TBC1D4: variants seen among roughly 807,000 people sequenced by gnomAD.
The protein encoded by TBC1D4 is TBC1 domain family member 4, also known as TBC (Tre-2, BUB2, CDC16) domain-containing protein.
TBC1D4 carries 121 observed loss-of-function variants against 142.5 expected under a neutral mutation model. The ratio of observed to expected loss-of-function variants is 0.85; its 90% confidence interval spans 0.73 to 0.99. The LOEUF is 0.99. Ranked by LOEUF, TBC1D4 falls within the 50% of genes least tolerant of loss-of-function variation. The pLI, the probability that TBC1D4 is intolerant of heterozygous loss-of-function variation, is 0.00. For synonymous variants in TBC1D4, 630 were observed against 628.2 expected (o/e 1.00, Z -0.04); for missense variants, 1,475 against 1,606.6 (o/e 0.92, Z 1.40).
At chr13:75,336,748 CA>C (rs529086189) in intron 8 of TBC1D4, among the ~76,000 whole-genome samples, 172 bp downstream of exon 8, 1 of 150,868 alleles carries the variant, frequency 6.6e-6, no homozygotes, top group Admixed American at 6.6e-5. Flanking sequence ...CTCAAAAAAA[CA>C]AAAAAACAAA....
At chr13:75,303,819 T>C (rs1876852094) in intron 15 of TBC1D4, among the ~76,000 whole-genome samples, 1 of 152,224 alleles carries the variant, frequency 6.6e-6, no homozygotes, top group South Asian at 2.1e-4. Context: ...TAGACGCTTG[T>C]GGTTATTTTC....
chr13:75,413,225 A>G (rs1885753670), intron 1 of TBC1D4, among the ~76,000 whole-genome samples: 1 of 151,916 alleles, frequency 6.6e-6, no homozygotes, highest in African/African-American at 2.4e-5. Context: ...AGTGCAACAC[A>G]ATCTCGGCTC....
At chr13:75,439,471 G>A (rs189522898) in intron 1 of TBC1D4, among the ~76,000 whole-genome samples, 1 of 152,234 alleles carries the variant, frequency 6.6e-6, no homozygotes, top group East Asian at 1.9e-4. Context: ...AAAATATTAA[G>A]ACTGCTATCC....
intron 10 of TBC1D4, 100 bp downstream of exon 10, chr13:75,326,097 G>C: frequency 7.3e-7 from 1 of 1,362,160 alleles, no homozygotes. Flanking sequence ...AAAACTAAAA[G>C]TTGGCTACAG....
rs530133916 is a variant in TBC1D4 at position 75,481,713 on chromosome 13, C to T, written c.55G>A (p.Glu19Lys). Residue 19 changes from glutamate to lysine, a missense_variant, in exon 1 of 21, where the codon GAG becomes AAG. By Grantham distance (56) the Glu-to-Lys change is moderately conservative. This residue lies in a region of TBC1D4 where 1,227 missense variants were observed against 1,267.7 expected (regional missense o/e 0.97). Coordinates refer to ENST00000377636, the MANE Select transcript of TBC1D4 (RefSeq NM_014832.5). ...DEPFPHPLEP[E>K]PGVSAQPGPG... is the part of the protein sequence containing the mutation. ...CCGGGCTGAGCTGAGACGCCCGGCT[C>T]GGGCTCCAGGGGGTGCGGGAACGGC... The T allele has an allele frequency of 1.1e-5, 17 of 1,596,408 alleles. No individual in the cohort carries two copies. The highest frequency in any genetic ancestry group is 2.3e-5 in the East Asian group (1 of 44,322).
At position 75,448,776 on chromosome 13, in the gene TBC1D4, A is replaced by C. The variant is rs145790355; in HGVS notation, c.498+32494T>G. Among the ~76,000 whole-genome samples, 64 of 152,162 alleles carry C rather than the reference A, an allele frequency of 4.2e-4. 1 individual carries two copies. The East Asian group carries it at 9.8e-3, about 23-fold the overall frequency. On this transcript the variant is annotated intron_variant, in intron 1 of 20. Transcript: ENST00000377636. The stretch of plus-strand genomic sequence containing the variant: ...AGAAACAAAATATTTTAGTAATGAG[A>C]AAGTAAATCAATATATACAAATAGG...
chr13:75,453,320 A>G (rs1887602760), intron 1 of TBC1D4, among the ~76,000 whole-genome samples: 1 of 152,084 alleles, frequency 6.6e-6, no homozygotes. Flanking sequence ...AGGATATCGA[A>G]CAAGCAATAT....
chr13:75,386,506 A>G (rs2138279868), intron 1 of TBC1D4, among the ~76,000 whole-genome samples: 1 of 150,462 alleles, frequency 6.6e-6, no homozygotes, highest in Admixed American at 6.7e-5. Context: ...CTCCTGCCTC[A>G]GCCTCCTGAG....
At chr13:75,301,291 C>T (rs1016969076) in intron 16 of TBC1D4, among the ~76,000 whole-genome samples, 3 of 152,052 alleles carry the variant, frequency 2.0e-5, no homozygotes, top group African/African-American at 4.8e-5. Context: ...AGAGACAATA[C>T]AATCTTTAAA....
chr13:75,367,665 C>T lies in TBC1D4; in HGVS notation c.499-5058G>A, dbSNP rs143744710. On this transcript the variant is annotated intron_variant, in intron 1 of 20. Transcript: ENST00000377636. ...AAATATATTTGGTTTGGAAGTAATG[C>T]GTGGCTTTAGGGGAAGGGTAGATTT... is the stretch of plus-strand genomic sequence containing the variant. 2.6e-4 allele frequency among the ~76,000 whole-genome samples: 39 copies of T among 152,178 alleles called. No homozygotes were observed. The East Asian group carries it at 6.7e-3, about 26-fold the overall frequency.
chr13:75,474,546 C>A (rs1417819406), intron 1 of TBC1D4, among the ~76,000 whole-genome samples: 2 of 152,136 alleles, frequency 1.3e-5, no homozygotes, highest in African/African-American at 4.8e-5. Context: ...GCGACAGAGT[C>A]AGACTCCGTC....
At chr13:75,422,771 C>T (rs967156842) in intron 1 of TBC1D4, among the ~76,000 whole-genome samples, 1 of 152,096 alleles carries the variant, frequency 6.6e-6, no homozygotes, top group Admixed American at 6.5e-5. Context: ...CCTCAATGTA[C>T]TTCTAAATGT....
At chr13:75,351,452 G>T (rs1228981711) in intron 4 of TBC1D4, among the ~76,000 whole-genome samples, 3 of 151,348 alleles carry the variant, frequency 2.0e-5, no homozygotes, top group South Asian at 2.1e-4. Flanking sequence ...AAGTTTTAGG[G>T]TACATGTGCA....
intron 1 of TBC1D4, among the ~76,000 whole-genome samples, chr13:75,479,344 A>T (rs762126494): frequency 1.6e-4 from 24 of 152,206 alleles, no homozygotes; most frequent in Admixed American, 3.9e-4. Context: ...GTTTTCTTGA[A>T]CTTTTATGAG....
intron 1 of TBC1D4, among the ~76,000 whole-genome samples, chr13:75,480,811 G>C (rs914290276): frequency 1.3e-5 from 2 of 152,192 alleles, no homozygotes; most frequent in Non-Finnish European, 2.9e-5. Flanking sequence ...CTGCGATTGA[G>C]AACTAGTGAG....
In TBC1D4 at chr13:75,474,739, C is replaced by A. The variant is rs140082496; in HGVS notation, c.498+6531G>T. 4.4e-3 allele frequency among the ~76,000 whole-genome samples: 665 copies of A among 151,482 alleles called. 1 individual carries two copies. Among genetic ancestry groups the A allele is most frequent in the African/African-American group, 0.015 (632 of 41,308 alleles). ...GCAACCTCCATCTCCCAGGTTCAAG[C>A]GATTCTCCTGCCTCAGCCTCCCAAG... On this transcript the variant is annotated intron_variant, in intron 1 of 20. Coordinates refer to ENST00000377636, the MANE Select transcript of TBC1D4 (RefSeq NM_014832.5).
chr13:75,312,822 G>T lies in TBC1D4; in HGVS notation c.2299C>A (p.Pro767Thr). Residue 767 changes from proline (P) to threonine (T), a missense_variant, in exon 13 of 21, where the codon CCT (proline) becomes ACT (threonine). Transcript: ENST00000377636. ...SLSVGGTSVTPRRISWRQRIF... is the reference protein window; with the variant it reads ...SLSVGGTSVTTRRISWRQRIF... ...CGCTGCCGCCAGGAGATCCGGCGAG[G>T]AGTGACAGAGGTTCCTCCCACACTT... 7 of 1,614,206 alleles carry T rather than the reference G, an allele frequency of 4.3e-6. No individual in the cohort carries two copies. The highest frequency in any genetic ancestry group is 5.9e-6 in the Non-Finnish European group (7 of 1,180,040).
In TBC1D4 at chr13:75,326,388, C is replaced by T. The variant is rs746712036; in HGVS notation, c.1842G>A (p.Pro614=). ...AAGCTGAGGACGGTGGGGACGCTGG[C>T]GGTGTCCCTGGTGGAGAATCCCCTG... ...YSPGDSPPGT[P]PASPPSSAWQ... The change falls in exon 10 of 21, where the codon CCG becomes CCA. Residue 614 remains proline (P), a synonymous_variant. Coordinates refer to ENST00000377636, the MANE Select transcript of TBC1D4 (RefSeq NM_014832.5). 2.5e-6 allele frequency: 4 copies of T among 1,613,950 alleles called. No homozygotes were observed. Among genetic ancestry groups the T allele is most frequent in the East Asian group, 2.2e-5 (1 of 44,868 alleles).
At chr13:75,314,784 T>G (rs1246288139) in intron 12 of TBC1D4, among the ~76,000 whole-genome samples, 3 of 144,952 alleles carry the variant, frequency 2.1e-5, no homozygotes, top group African/African-American at 7.7e-5. Context: ...ATGGCCAACA[T>G]GGTGAAACCC....
Sources: allele counts gnomAD v4.1 joint callset (sites outside exome capture counted in the v4.1 genomes callset), GRCh38; gene constraint gnomAD v4.1.1; regional missense constraint gnomAD v4.1.1; transcripts MANE v1.5; gene names NCBI Gene and HGNC (gene_info 2026-07-23, HGNC 2026-07-21).